The following PGS1 variants were observed in gnomAD, a reference collection of about 807,000 sequenced individuals.
PGS1 encodes CDP-diacylglycerol--glycerol-3-phosphate 3-phosphatidyltransferase, mitochondrial.
Under a neutral mutation model 58.3 loss-of-function variants are expected in PGS1, and 44 were observed. That is an observed-to-expected ratio of 0.75 (90% CI 0.59 to 0.97). The LOEUF is 0.97. PGS1 is among the 50% of genes least tolerant of loss of function. The pLI is 0.00. For missense variants in PGS1, 684 were observed against 731.1 expected, an observed-to-expected ratio of 0.94 and a Z score of 0.74; for synonymous variants, 330 against 311.0, an observed-to-expected ratio of 1.06 and a Z score of -0.64.
At chr17:78,384,598 C>G (rs1487853685) in intron 1 of PGS1, among the ~76,000 whole-genome samples, 1 of 152,062 alleles carries the variant, frequency 6.6e-6, no homozygotes, top group Non-Finnish European at 1.5e-5. Flanking sequence ...ATGTACCTTA[C>G]GGTTAAAGAA....
chr17:78,413,805 G>A (rs1269263565), intron 7 of PGS1, among the ~76,000 whole-genome samples: 6 of 152,218 alleles, frequency 3.9e-5, no homozygotes, highest in Admixed American at 3.9e-4. Context: ...CCTGGACCTC[G>A]GGAAGTTGTG....
At chr17:78,399,166 A>G (rs1353507135) in intron 4 of PGS1, 182 bp from the exon 5 acceptor site, 2 of 602,268 alleles carry the variant, frequency 3.3e-6, no homozygotes, top group South Asian at 2.0e-5. Context: ...GGCCTGAGAC[A>G]TGGCCAGCAT....
In PGS1 at chr17:78,396,327, A is replaced by G. The variant is rs1329055738; in HGVS notation, c.353A>G (p.Lys118Arg). 3 of 1,613,752 alleles carry G rather than the reference A, an allele frequency of 1.9e-6. No homozygotes were observed. The highest frequency in any genetic ancestry group is 2.2e-5 in the East Asian group (1 of 44,900). Reference protein sequence around the residue: ...ELMKGQIRVAKRRVVMASLYL... With the variant: ...ELMKGQIRVARRRVVMASLYL... ...TCTCAGGGGCAGATAAGAGTAGCCA[A>G]GAGGCGGGTCGTGATGGCATCCCTC... Residue 118 changes from lysine to arginine, a missense_variant, in exon 3 of 10, where the codon AAG becomes AGG. Transcript: ENST00000262764.
intron 7 of PGS1, among the ~76,000 whole-genome samples, chr17:78,408,071 C>T (rs1191565445): frequency 1.3e-5 from 2 of 151,848 alleles, no homozygotes; most frequent in African/African-American, 4.8e-5. Context: ...ACCTCTTTTG[C>T]ATACTATGCT....
intron 9 of PGS1, among the ~76,000 whole-genome samples, chr17:78,422,573 C>T (rs574728774): frequency 1.6e-5 from 2 of 126,330 alleles, no homozygotes; most frequent in South Asian, 2.7e-4. Context: ...TCATGCCTCG[C>T]TGCGTACTTG....
rs1245433152 is a variant in PGS1, at chr17:78,419,535, C to T, written c.1552-11C>T. ...GACTCCTCACTATTCCTGTCTGTTCCTCTTCCTCAGGAGCAAGAGCAGCTC... is the reference window on the plus strand; with the variant it reads ...GACTCCTCACTATTCCTGTCTGTTCTTCTTCCTCAGGAGCAAGAGCAGCTC... On this transcript the variant is annotated splice_polypyrimidine_tract_variant and intron_variant, in intron 8 of 9. Coordinates refer to ENST00000262764, the MANE Select transcript of PGS1 (RefSeq NM_024419.5). 5 of 1,613,018 alleles carry T rather than the reference C, an allele frequency of 3.1e-6. No individual in the cohort carries two copies. In the East Asian group the frequency reaches 6.7e-5, roughly 22 times the overall value.
intron 9 of PGS1, among the ~76,000 whole-genome samples, chr17:78,422,706 C>T (rs1251165054): frequency 6.6e-6 from 1 of 151,838 alleles, no homozygotes; most frequent in African/African-American, 2.4e-5. Flanking sequence ...TGCCACGTTG[C>T]CCAGGCTGGT....
intron 1 of PGS1, among the ~76,000 whole-genome samples, chr17:78,390,837 T>C (rs11653305): frequency 0.62 from 93,842 of 151,912 alleles, 29,063 homozygotes; most frequent in Admixed American, 0.65. Flanking sequence ...TGGAGTCCGC[T>C]GGGGTGCAGC....
At chr17:78,392,771 C>A in intron 2 of PGS1, 106 bp downstream of exon 2, 1 of 835,896 alleles carries the variant, frequency 1.2e-6, no homozygotes, top group Non-Finnish European at 1.9e-6. Flanking sequence ...GCTGCTCAAG[C>A]TTATTCCTTC....
chr17:78,417,187 G>A (rs2085266985), intron 8 of PGS1, among the ~76,000 whole-genome samples: 3 of 152,292 alleles, frequency 2.0e-5, no homozygotes, highest in Admixed American at 1.3e-4. Context: ...CTCCATCCCT[G>A]TTGTGGAGTC....
chr17:78,421,701 A>G (rs1264306849), intron 9 of PGS1: 1 of 152,274 alleles, frequency 6.6e-6, no homozygotes, highest in East Asian at 1.9e-4. Flanking sequence ...ATTCCTCCAG[A>G]TTCTGTGGGA....
At position 78,410,674 on chromosome 17, in the gene PGS1, A is replaced by G. The variant is rs1407029728; in HGVS notation, c.1403-4205A>G. On this transcript the variant is annotated intron_variant, in intron 7 of 9. Transcript: ENST00000262764. Reference sequence around the variant, plus strand: ...TTTTTAGTAGAGATGGGGTTTCACCATGATGGCCAGGCTGGTTTTGAACTC... The same window carrying G: ...TTTTTAGTAGAGATGGGGTTTCACCGTGATGGCCAGGCTGGTTTTGAACTC... 5.3e-5 allele frequency among the ~76,000 whole-genome samples: 8 copies of G among 151,986 alleles called. No homozygotes were observed. In the East Asian group the frequency reaches 9.8e-4, roughly 19 times the overall value.
chr17:78,398,232 T>C lies in PGS1; in HGVS notation c.412-20T>C, dbSNP rs371950474. ...ACCTCTTTGGGTCTTAATCTTCTTT[T>C]CTGTGTTCTTTCTTGGTAGGTGGAC... On this transcript the variant is annotated intron_variant, in intron 3 of 9. Coordinates refer to ENST00000262764, the MANE Select transcript of PGS1 (RefSeq NM_024419.5). 104 of 1,557,612 alleles carry C rather than the reference T, an allele frequency of 6.7e-5. No homozygotes were observed. In the African/African-American group the frequency reaches 1.2e-3, roughly 18 times the overall value.
chr17:78,386,242 ATT>A (rs1271963460), intron 1 of PGS1, among the ~76,000 whole-genome samples: 3 of 151,884 alleles, frequency 2.0e-5, no homozygotes, highest in Non-Finnish European at 2.9e-5. Context: ...ATTGTTTTGC[ATT>A]GTCTGTCATT....
Position 78,415,035 on chromosome 17 carries a change from G to A in PGS1, c.1551+8G>A, listed in dbSNP as rs754050860. 12 of 1,611,136 alleles carry A rather than the reference G, an allele frequency of 7.4e-6. No homozygotes were observed. The highest frequency in any genetic ancestry group is 2.1e-4 in the Middle Eastern group (1 of 4,762). On this transcript the variant is annotated splice_region_variant and intron_variant, in intron 8 of 9. Transcript: ENST00000262764. ...CAGCAGCAGCTTCACCAGGTTGGTC[G>A]CAGCAAGTGGGATTTCCCAGGGCGC...
At chr17:78,407,158 G>A (rs763269577) in intron 7 of PGS1, among the ~76,000 whole-genome samples, 3 of 151,946 alleles carry the variant, frequency 2.0e-5, no homozygotes, top group Non-Finnish European at 2.9e-5. Context: ...CCCAGGGCAC[G>A]TGCCCATGTG....
intron 8 of PGS1, among the ~76,000 whole-genome samples, chr17:78,417,748 A>C (rs1378101077): frequency 6.6e-6 from 1 of 150,882 alleles, no homozygotes; most frequent in Admixed American, 6.6e-5. Flanking sequence ...TGGCCCGGAC[A>C]TTACGGTGGA....
intron 6 of PGS1, among the ~76,000 whole-genome samples, chr17:78,401,312 C>T (rs1050071228): frequency 1.1e-4 from 16 of 152,208 alleles, no homozygotes; most frequent in African/African-American, 3.4e-4. Context: ...CAGGAAGCAA[C>T]CAGGCCAGCA....
chr17:78,398,744 T>G (rs1354425136), intron 4 of PGS1, among the ~76,000 whole-genome samples: 2 of 152,216 alleles, frequency 1.3e-5, no homozygotes, highest in African/African-American at 4.8e-5. Context: ...GCTTGTGATT[T>G]GGGGTTTGGC....
Sources: allele counts gnomAD v4.1 joint callset (sites outside exome capture counted in the v4.1 genomes callset), GRCh38; gene constraint gnomAD v4.1.1; transcripts MANE v1.5; gene names NCBI Gene and HGNC (gene_info 2026-07-23, HGNC 2026-07-21).